The following NT5DC1 variants were observed in gnomAD, a reference collection of about 807,000 sequenced individuals.
NT5DC1 encodes 5'-nucleotidase domain-containing protein 1.
NT5DC1 carries 42 observed loss-of-function variants against 59.4 expected under a neutral mutation model. The ratio of observed to expected loss-of-function variants is 0.71; its 90% confidence interval spans 0.55 to 0.92. The LOEUF is 0.92. Ranked by LOEUF, NT5DC1 falls within the 40% of genes least tolerant of loss-of-function variation. The pLI, the probability that NT5DC1 is intolerant of heterozygous loss-of-function variation, is 0.00. For synonymous variants in NT5DC1, 172 were observed against 188.1 expected, an observed-to-expected ratio of 0.91 and a Z score of 0.70; for missense variants, 501 against 537.1, an observed-to-expected ratio of 0.93 and a Z score of 0.66.
intron 6 of NT5DC1, among the ~76,000 whole-genome samples, chr6:116,201,923 C>T (rs1005800509): frequency 6.6e-6 from 1 of 151,966 alleles, no homozygotes; most frequent in Non-Finnish European, 1.5e-5. Flanking sequence ...GATTTATGCA[C>T]CTACAGCTGA....
chr6:116,221,523 G>C (rs1285623585), intron 7 of NT5DC1, among the ~76,000 whole-genome samples: 1 of 152,102 alleles, frequency 6.6e-6, no homozygotes, highest in Admixed American at 6.6e-5. Flanking sequence ...CCATGAATTT[G>C]GTTTCTCATC....
At chr6:116,174,210 C>T (rs1015702263) in intron 6 of NT5DC1, among the ~76,000 whole-genome samples, 2 of 152,188 alleles carry the variant, frequency 1.3e-5, no homozygotes, top group African/African-American at 4.8e-5. Flanking sequence ...TGTAAAGTTA[C>T]TCTTATTCCC....
intron 6 of NT5DC1, among the ~76,000 whole-genome samples, chr6:116,122,803 T>C (rs1779172875): frequency 1.3e-5 from 2 of 152,186 alleles, no homozygotes; most frequent in South Asian, 4.1e-4. Flanking sequence ...AGGAAAATAA[T>C]TGTTTCAGAT....
chr6:116,196,285 A>G (rs1781225535), intron 6 of NT5DC1, among the ~76,000 whole-genome samples: 1 of 152,032 alleles, frequency 6.6e-6, no homozygotes, highest in African/African-American at 2.4e-5. Flanking sequence ...CACATTTGTT[A>G]TTTCCTAAAA....
At chr6:116,156,330 A>T (rs12210252) in intron 6 of NT5DC1, among the ~76,000 whole-genome samples, 1 of 152,066 alleles carries the variant, frequency 6.6e-6, no homozygotes, top group Non-Finnish European at 1.5e-5. Flanking sequence ...TTTAGGTTGT[A>T]GATCTCATTC....
chr6:116,213,132 C>G (rs1399394805), intron 6 of NT5DC1, among the ~76,000 whole-genome samples: 1 of 152,098 alleles, frequency 6.6e-6, no homozygotes, highest in Non-Finnish European at 1.5e-5. Context: ...ACACAAAACT[C>G]AGTATCATGT....
At chr6:116,140,824 A>T (rs1406893373) in intron 6 of NT5DC1, among the ~76,000 whole-genome samples, 2 of 151,982 alleles carry the variant, frequency 1.3e-5, no homozygotes, top group African/African-American at 2.4e-5. Flanking sequence ...CTGTTTATTC[A>T]TTTTTCACTG....
At chr6:116,231,418 A>G (rs886791792) in intron 8 of NT5DC1, among the ~76,000 whole-genome samples, 1 of 152,200 alleles carries the variant, frequency 6.6e-6, no homozygotes, top group African/African-American at 2.4e-5. Context: ...AATCCTAGAA[A>G]TAAAAATTGT....
chr6:116,226,260 T>C (rs1403904468), intron 8 of NT5DC1, among the ~76,000 whole-genome samples: 1 of 152,150 alleles, frequency 6.6e-6, no homozygotes. Context: ...TTTGTTTTTA[T>C]TTTTATTTTT....
chr6:116,221,273 A>G (rs1781795016), intron 7 of NT5DC1, 45 bp downstream of exon 7: 10 of 1,132,222 alleles, frequency 8.8e-6, no homozygotes, highest in South Asian at 2.9e-5. Flanking sequence ...TGAAATACAG[A>G]TAGCAAATTA....
intron 6 of NT5DC1, among the ~76,000 whole-genome samples, chr6:116,167,582 T>C (rs568699686): frequency 3.6e-4 from 55 of 152,334 alleles, no homozygotes; most frequent in African/African-American, 1.3e-3. Flanking sequence ...TTTCATTTGA[T>C]AAAATTGCAA....
chr6:116,163,141 A>AAATATATATATATAT (rs761718922), intron 6 of NT5DC1, among the ~76,000 whole-genome samples: 7 of 88,404 alleles, frequency 7.9e-5, no homozygotes, highest in African/African-American at 4.0e-4. Flanking sequence ...AAAAAAAAAA[A>AAATATATATATATAT]ATATATATAT....
chr6:116,194,858 A>G (rs1781192354), intron 6 of NT5DC1, among the ~76,000 whole-genome samples: 1 of 152,054 alleles, frequency 6.6e-6, no homozygotes, highest in South Asian at 2.1e-4. Flanking sequence ...TACTGTTGTA[A>G]TATTTTTATG....
chr6:116,179,148 A>G (rs541310071), intron 6 of NT5DC1, among the ~76,000 whole-genome samples: 5 of 152,290 alleles, frequency 3.3e-5, no homozygotes, highest in African/African-American at 1.2e-4. Flanking sequence ...GGGGATACCA[A>G]TTTATTTGTT....
chr6:116,205,599 TG>T lies in NT5DC1; in HGVS notation c.530-15448del, dbSNP rs140260731. ...AATTCCTTAAATATGTGGAATAAAT[TG>T]GGGGGGAAAAAAGGCTGTTCAGATA... On this transcript the variant is annotated intron_variant, in intron 6 of 11. Coordinates refer to ENST00000319550, the MANE Select transcript of NT5DC1 (RefSeq NM_152729.3). Among the ~76,000 whole-genome samples the T allele has an allele frequency of 5.2e-3, 796 of 151,704 alleles. 16 individuals are homozygous for T. The highest frequency in any genetic ancestry group is 0.046 in the South Asian group (223 of 4,806).
intron 6 of NT5DC1, among the ~76,000 whole-genome samples, chr6:116,182,639 ATGT>A (rs2114477104): frequency 6.6e-6 from 1 of 152,124 alleles, no homozygotes; most frequent in African/African-American, 2.4e-5. Context: ...ATCGCTAGTG[ATGT>A]TGAGCATTTT....
At chr6:116,148,779 G>A (rs1779960025) in intron 6 of NT5DC1, among the ~76,000 whole-genome samples, 1 of 152,094 alleles carries the variant, frequency 6.6e-6, no homozygotes, top group Non-Finnish European at 1.5e-5. Flanking sequence ...TGAGTGTACT[G>A]ACTTTTTAAA....
intron 6 of NT5DC1, among the ~76,000 whole-genome samples, chr6:116,141,962 A>G (rs560724392): frequency 1.7e-4 from 26 of 151,814 alleles, no homozygotes; most frequent in Non-Finnish European, 2.8e-4. Context: ...TAGAAAATAT[A>G]TAGGAATTCC....
chr6:116,173,610 C>T (rs1780665184), intron 6 of NT5DC1, among the ~76,000 whole-genome samples: 1 of 152,140 alleles, frequency 6.6e-6, no homozygotes, highest in African/African-American at 2.4e-5. Context: ...TGGTAAAAAT[C>T]AGACCCAGCT....
Sources: allele counts gnomAD v4.1 joint callset (sites outside exome capture counted in the v4.1 genomes callset), GRCh38; gene constraint gnomAD v4.1.1; transcripts MANE v1.5; gene names NCBI Gene and HGNC (gene_info 2026-07-23, HGNC 2026-07-21).